The following PKIB variants were observed in gnomAD, a reference collection of about 807,000 sequenced individuals.
PKIB encodes PKI-beta.
In PKIB, 2 loss-of-function variants were observed where a neutral mutation model predicts 4.5. The ratio of observed to expected loss-of-function variants is 0.44; its 90% CI spans 0.18 to 1.39. The LOEUF is 1.39. Among genes scored for constraint, PKIB ranks in the 40% most tolerant of loss-of-function variants. The probability of loss-of-function intolerance (pLI) is 0.27; values close to 1 mark genes in which losing one functional copy is unlikely to be tolerated. For synonymous variants in PKIB, 38 were observed against 36.0 expected (o/e 1.06, Z -0.20); for missense variants, 94 against 92.6 (o/e 1.02, Z -0.06).
At chr6:122,541,250 A>G (rs62424318) in intron 2 of PKIB, among the ~76,000 whole-genome samples, 1 of 152,058 alleles carries the variant, frequency 6.6e-6, no homozygotes, top group Non-Finnish European at 1.5e-5. Flanking sequence ...TATTTTGCTC[A>G]TTAGTTGATG....
At chr6:122,607,313 AAAAAC>A (rs559171249), upstream of PKIB, among the ~76,000 whole-genome samples, 497 of 152,050 alleles carry the variant, frequency 3.3e-3, 1 homozygote, top group African/African-American at 0.011. Context: ...GTCTCTACAA[AAAAAC>A]AAAACAAAAC....
intron 2 of PKIB, among the ~76,000 whole-genome samples, chr6:122,583,577 A>G (rs1196913087): frequency 6.6e-6 from 1 of 151,998 alleles, no homozygotes; most frequent in Non-Finnish European, 1.5e-5. Context: ...ACCCCTTCCC[A>G]CTGCTTACTT....
chr6:122,493,820 C>T (rs1776002980), intron 2 of PKIB, among the ~76,000 whole-genome samples: 1 of 152,112 alleles, frequency 6.6e-6, no homozygotes, highest in Non-Finnish European at 1.5e-5. Flanking sequence ...CCTCTCTGTA[C>T]CTTCACTCTA....
chr6:122,572,388 A>T (rs1408417611), intron 2 of PKIB, among the ~76,000 whole-genome samples: 1 of 152,190 alleles, frequency 6.6e-6, no homozygotes, highest in Non-Finnish European at 1.5e-5. Flanking sequence ...TTTGGGGTTA[A>T]TAATGAAATT....
chr6:122,573,709 C>A (rs902701742), intron 2 of PKIB, among the ~76,000 whole-genome samples: 1 of 151,960 alleles, frequency 6.6e-6, no homozygotes, highest in Admixed American at 6.6e-5. Flanking sequence ...AAGCATTTGA[C>A]AAAATGCAGC....
At chr6:122,545,836 T>C (rs1040704086) in intron 2 of PKIB, among the ~76,000 whole-genome samples, 14 of 150,620 alleles carry the variant, frequency 9.3e-5, no homozygotes, top group African/African-American at 2.2e-4. Context: ...CTTTCCATCA[T>C]GTGAAAAAAA....
chr6:122,542,604 G>A (rs1489192879), intron 2 of PKIB, among the ~76,000 whole-genome samples: 3 of 152,162 alleles, frequency 2.0e-5, no homozygotes, highest in Non-Finnish European at 2.9e-5. Flanking sequence ...GTACCCGGCC[G>A]TGTGAGGTGT....
At position 122,653,643 on chromosome 6, in the gene PKIB, G is replaced by GAA. The variant is rs71541210; in HGVS notation, c.-76+20290_-76+20291dup. Among the ~76,000 whole-genome samples, 669 of 140,840 alleles carry GAA rather than the reference G, an allele frequency of 4.8e-3. 5 individuals carry two copies. Among genetic ancestry groups the GAA allele is most frequent in the African/African-American group, 0.014 (550 of 38,134 alleles). The allele number at this position is 140,840 out of a possible 152,430, so 92.4% of individuals were successfully genotyped here. ...TTAATGTAACTTGAAGGGATTATTT[G>GAA]AAAAAAAAAAAAAAATTGGAGTTAA... On this transcript the variant is annotated intron_variant, in intron 2 of 4. Coordinates refer to ENST00000368452, the MANE Select transcript of PKIB (RefSeq NM_181795.3).
chr6:122,565,407 G>T (rs1773158635), intron 2 of PKIB, among the ~76,000 whole-genome samples: 1 of 152,080 alleles, frequency 6.6e-6, no homozygotes, highest in South Asian at 2.1e-4. Context: ...AAAGCTCATG[G>T]TTATTTGAAT....
At chr6:122,712,678 G>T (rs371593196) in intron 3 of PKIB, among the ~76,000 whole-genome samples, 1 of 152,052 alleles carries the variant, frequency 6.6e-6, no homozygotes, top group African/African-American at 2.4e-5. Context: ...CTAATTTAGC[G>T]GGCAAGAAGT....
At chr6:122,524,729 A>G (rs1055001847) in intron 2 of PKIB, among the ~76,000 whole-genome samples, 5 of 151,972 alleles carry the variant, frequency 3.3e-5, no homozygotes, top group African/African-American at 1.2e-4. Flanking sequence ...CTAGGAATTT[A>G]TCCATTTCTT....
At chr6:122,585,055 A>C (rs1773811371) in intron 2 of PKIB, among the ~76,000 whole-genome samples, 1 of 152,160 alleles carries the variant, frequency 6.6e-6, no homozygotes, top group Non-Finnish European at 1.5e-5. Flanking sequence ...CATATAATTA[A>C]AAGTGGGTAT....
intron 2 of PKIB, among the ~76,000 whole-genome samples, chr6:122,509,111 G>C (rs1040049493): frequency 2.0e-5 from 3 of 152,150 alleles, no homozygotes; most frequent in African/African-American, 7.2e-5. Flanking sequence ...GGAAAAGTTA[G>C]TGTGGATAAC....
chr6:122,639,221 A>G (rs1776037155), intron 2 of PKIB, among the ~76,000 whole-genome samples: 1 of 152,220 alleles, frequency 6.6e-6, no homozygotes, highest in African/African-American at 2.4e-5. Context: ...CAAACACTGT[A>G]AGCAGTGAAT....
At chr6:122,595,782 C>T (rs573491151) in intron 3 of PKIB, among the ~76,000 whole-genome samples, 2 of 152,290 alleles carry the variant, frequency 1.3e-5, no homozygotes, top group East Asian at 3.9e-4. Flanking sequence ...CCATCCCTGC[C>T]ACTATGGCCA....
chr6:122,674,518 T>C lies in PKIB; in HGVS notation c.-75-560T>C, dbSNP rs79825504. 6.9e-4 allele frequency among the ~76,000 whole-genome samples: 105 copies of C among 152,282 alleles called. No homozygotes were observed. The East Asian group carries it at 0.015, about 21-fold the overall frequency. ...TGAAATATAAGGCCCATTCTGTGAATAGGAATAATATATAGGTAGTTTACT... is the reference window on the plus strand; with the variant it reads ...TGAAATATAAGGCCCATTCTGTGAACAGGAATAATATATAGGTAGTTTACT... On this transcript the variant is annotated intron_variant, in intron 2 of 4. Transcript: ENST00000368452.
chr6:122,641,443 C>A (rs1209819078), intron 2 of PKIB, among the ~76,000 whole-genome samples: 3 of 152,024 alleles, frequency 2.0e-5, no homozygotes, highest in Non-Finnish European at 4.4e-5. Flanking sequence ...GTGCTGGGAA[C>A]TTTTGAAAAT....
chr6:122,675,039 C>T (rs546319267), intron 2 of PKIB, 39 bp from the exon 3 acceptor site: 1 of 147,488 alleles, frequency 6.8e-6, no homozygotes, highest in Non-Finnish European at 1.5e-5. Context: ...GGATTGCCAC[C>T]TTTTCTGGTT....
Position 122,538,417 on chromosome 6 carries a change from A to G in PKIB, c.-247-47504A>G, listed in dbSNP as rs548950399. Among the ~76,000 whole-genome samples the G allele has an allele frequency of 3.3e-3, 497 of 152,170 alleles. 5 individuals are homozygous for G. The highest frequency in any genetic ancestry group is 0.011 in the African/African-American group (475 of 41,476). On this transcript the variant is annotated intron_variant, in intron 2 of 6. Coordinates refer to the PKIB transcript ENST00000392491. ...CATATGGCTAGCCAATTTTCCCAGCACCATTTATTAAATAGGGAATCCTTT... is the reference window on the plus strand; with the variant it reads ...CATATGGCTAGCCAATTTTCCCAGCGCCATTTATTAAATAGGGAATCCTTT...
Sources: gnomAD v4.1 joint callset for allele counts (sites outside exome capture counted in the v4.1 genomes callset) on GRCh38, gnomAD v4.1.1 for gene constraint, MANE v1.5 for transcripts, NCBI Gene and HGNC (gene_info 2026-07-23, HGNC 2026-07-21) for gene names.